DMD: variants seen among roughly 807,000 people sequenced by gnomAD.
DMD encodes mutant dystrophin.
Under a neutral mutation model 330.1 loss-of-function variants are expected in DMD, and 63 were observed. That is an observed-to-expected ratio of 0.19 (90% CI 0.16 to 0.24). DMD has a LOEUF of 0.24. Ranked by LOEUF, DMD falls within the 10% of genes least tolerant of loss-of-function variation. The pLI is 1.00. For synonymous variants in DMD, 1,223 were observed against 959.8 expected, an observed-to-expected ratio of 1.27 and a Z score of -5.07; for missense variants, 3,344 against 2,684.1, an observed-to-expected ratio of 1.25 and a Z score of -5.43.
chrX:31,987,688 A>G (rs1484229693), intron 44 of DMD, among the ~76,000 whole-genome samples: 3 of 112,252 alleles, frequency 2.7e-5, no homozygotes, highest in Non-Finnish European at 5.6e-5. Context: ...ACAAAAGATA[A>G]AAAGTGTTGG....
At chrX:32,714,249 G>T (rs1228924065) in intron 7 of DMD, among the ~76,000 whole-genome samples, 1 of 111,064 alleles carries the variant, frequency 9.0e-6, no homozygotes, top group Non-Finnish European at 1.9e-5. Flanking sequence ...TCAAGTCTCG[G>T]CTTTTAGTGT....
intron 34 of DMD, among the ~76,000 whole-genome samples, chrX:32,365,587 A>AT (rs758046905): frequency 5.3e-4 from 59 of 111,403 alleles, no homozygotes; most frequent in South Asian, 3.0e-3. Context: ...TGCAGCAGGG[A>AT]TTTTTTTAGC....
rs55960037 is a variant in DMD, at chrX:33,031,616, A to G, written c.32-11416T>C. On this transcript the variant is annotated intron_variant, in intron 1 of 78. Transcript: ENST00000357033. ...TGAAGCCCCGTCTCTACTAAAAATA[A>G]AAAGATTAGCCGGGCGTGGTGGCGG... 9.3e-3 allele frequency among the ~76,000 whole-genome samples: 1,027 copies of G among 110,881 alleles called. 10 individuals carry two copies. Among genetic ancestry groups the G allele is most frequent in the African/African-American group, 0.032 (972 of 30,477 alleles).
chrX:32,284,799 A>C (rs1264090872), intron 43 of DMD, among the ~76,000 whole-genome samples: 1 of 112,203 alleles, frequency 8.9e-6, no homozygotes, highest in Non-Finnish European at 1.9e-5. Flanking sequence ...ATTGTACTAA[A>C]AGTCATAGGA....
At chrX:32,791,704 TA>T (rs2075834781) in intron 7 of DMD, among the ~76,000 whole-genome samples, 1 of 111,740 alleles carries the variant, frequency 8.9e-6, no homozygotes, top group African/African-American at 3.3e-5. Flanking sequence ...CAAAAAATTT[TA>T]AAAAAATGAG....
intron 47 of DMD, among the ~76,000 whole-genome samples, chrX:31,915,514 T>C (rs2094598735): frequency 9.0e-6 from 1 of 111,726 alleles, no homozygotes; most frequent in Non-Finnish European, 1.9e-5. Flanking sequence ...AATTATATAA[T>C]CCATTTTAAT....
intron 44 of DMD, chrX:32,206,282 T>A: frequency 1.8e-6 from 1 of 541,972 alleles, no homozygotes; most frequent in Non-Finnish European, 3.3e-6. Flanking sequence ...AGGAGGAGGA[T>A]GTGAAACTCA....
intron 45 of DMD, among the ~76,000 whole-genome samples, chrX:31,945,431 G>A (rs1417950829): frequency 3.6e-5 from 4 of 111,838 alleles, no homozygotes; most frequent in African/African-American, 1.3e-4. Context: ...CCACCTCCTG[G>A]GTTCAAACGA....
intron 54 of DMD, among the ~76,000 whole-genome samples, chrX:31,653,801 A>G (rs2080605555): frequency 9.0e-6 from 1 of 111,420 alleles, no homozygotes; most frequent in East Asian, 2.8e-4. Flanking sequence ...AGAGGCTCAC[A>G]TTTCTGGCTT....
At chrX:32,310,323 T>G in intron 41 of DMD, 47 bp from the exon 42 acceptor site, 1 of 1,019,009 alleles carries the variant, frequency 9.8e-7, no homozygotes, top group Non-Finnish European at 1.4e-6. Context: ...TTCCTAACAG[T>G]GAAACCTCCT....
chrX:32,669,952 G>A (rs1479097569), intron 9 of DMD, among the ~76,000 whole-genome samples: 3 of 111,060 alleles, frequency 2.7e-5, no homozygotes, highest in Non-Finnish European at 5.7e-5. Context: ...CACACGAAAC[G>A]AACAGTCACA....
chrX:31,340,352 G>C (rs756316384), intron 61 of DMD, among the ~76,000 whole-genome samples: 6 of 112,360 alleles, frequency 5.3e-5, no homozygotes, highest in Admixed American at 9.4e-5. Context: ...CACTGCAAGA[G>C]GTCACTGGTT....
intron 48 of DMD, among the ~76,000 whole-genome samples, chrX:31,865,529 T>C (rs1480118006): frequency 1.2e-4 from 14 of 112,201 alleles, no homozygotes; most frequent in Non-Finnish European, 1.9e-5. Flanking sequence ...AGGGAGTTAC[T>C]ATTTGAATTT....
chrX:31,309,820 T>C (rs1349343324), intron 62 of DMD, among the ~76,000 whole-genome samples: 1 of 112,101 alleles, frequency 8.9e-6, no homozygotes, highest in African/African-American at 3.2e-5. Context: ...CATTTCAGTC[T>C]CAAAAGTTTT....
intron 55 of DMD, among the ~76,000 whole-genome samples, chrX:31,510,972 C>T (rs2071479712): frequency 8.9e-6 from 1 of 111,803 alleles, no homozygotes; most frequent in Non-Finnish European, 1.9e-5. Context: ...GCCATGTGGA[C>T]TACTATGAAC....
chrX:31,348,008 G>A (rs1219069952), intron 61 of DMD, among the ~76,000 whole-genome samples: 1 of 111,806 alleles, frequency 8.9e-6, no homozygotes, highest in African/African-American at 3.3e-5. Flanking sequence ...TTGGCCATTT[G>A]TATGCCTTCT....
At chrX:31,699,663 T>C (rs1423535075) in intron 52 of DMD, among the ~76,000 whole-genome samples, 1 of 111,683 alleles carries the variant, frequency 9.0e-6, no homozygotes, top group Non-Finnish European at 1.9e-5. Flanking sequence ...AAAAGAAATG[T>C]GAACAAATAT....
intron 9 of DMD, among the ~76,000 whole-genome samples, chrX:32,661,658 GGATA>G (rs773930221): frequency 1.8e-4 from 20 of 111,190 alleles, no homozygotes; most frequent in Non-Finnish European, 3.6e-4. Context: ...ACAGAATTGT[GGATA>G]GATTTCTTTG....
At position 32,653,055 on chromosome X, in the gene DMD, T is replaced by C. The variant is rs763037569; in HGVS notation, c.961-7903A>G. On this transcript the variant is annotated intron_variant, in intron 9 of 78. Transcript: ENST00000357033. ...TTGACTTCTTTGTAGATTCTGGATATTAGCCCTTTGCCAGATGATTAGATT... is the reference window on the plus strand; with the variant it reads ...TTGACTTCTTTGTAGATTCTGGATACTAGCCCTTTGCCAGATGATTAGATT... Among the ~76,000 whole-genome samples, 41 of 111,712 alleles carry C rather than the reference T, an allele frequency of 3.7e-4. 1 individual carries two copies. Among genetic ancestry groups the C allele is most frequent in the African/African-American group, 1.3e-3 (39 of 30,727 alleles).
Sources: allele counts gnomAD v4.1 joint callset (sites outside exome capture counted in the v4.1 genomes callset), GRCh38; gene constraint gnomAD v4.1.1; transcripts MANE v1.5; gene names NCBI Gene and HGNC (gene_info 2026-07-23, HGNC 2026-07-21).